Variants in TNRC6C observed in about 807,000 individuals in gnomAD.
The protein encoded by TNRC6C is trinucleotide repeat-containing gene 6C protein.
A neutral mutation model predicts 153.7 loss-of-function variants in TNRC6C; 20 were observed. The observed-to-expected ratio is 0.13, with a 90% CI of 0.09 to 0.19. TNRC6C has a LOEUF of 0.19. Among genes scored for constraint, TNRC6C ranks in the 10% least tolerant of loss-of-function variants. TNRC6C has a pLI of 1.00. For synonymous variants in TNRC6C, 811 were observed against 841.4 expected (o/e 0.96, Z 0.63); for missense variants, 1,987 against 2,172.0 (o/e 0.91, Z 1.69).
chr17:78,095,312 C>T (rs1291809236), intron 16 of TNRC6C, among the ~76,000 whole-genome samples: 3 of 152,212 alleles, frequency 2.0e-5, no homozygotes, highest in African/African-American at 7.2e-5. Flanking sequence ...ATGCAGCTGT[C>T]CTCCAGCTCC....
exon 3 of TNRC6C, chr17:78,051,014 C>T (rs985258534): frequency 6.2e-7 from 1 of 1,613,762 alleles, no homozygotes; most frequent in Non-Finnish European, 8.5e-7. Context: ...AAGGCCAATC[C>T]AGGTACAAAC....
intron 16 of TNRC6C, among the ~76,000 whole-genome samples, chr17:78,097,247 G>A (rs2144612935): frequency 6.6e-6 from 1 of 152,152 alleles, no homozygotes; most frequent in African/African-American, 2.4e-5. Context: ...TTTTTTTTAA[G>A]CAAAATATGA....
intron 5 of TNRC6C, among the ~76,000 whole-genome samples, chr17:78,068,643 A>C (rs1463577922): frequency 6.6e-6 from 1 of 152,080 alleles, no homozygotes; most frequent in African/African-American, 2.4e-5. Context: ...AAAATACAAA[A>C]ACTAGCTGGG....
exon 4 of TNRC6C, chr17:78,064,863 A>G (rs766844925): frequency 6.2e-7 from 1 of 1,612,904 alleles, no homozygotes. Context: ...GGGTGGGGAG[A>G]TCACCCTGCA....
exon 20 of TNRC6C, chr17:78,108,368 A>G (rs2144738248): frequency 6.5e-6 from 1 of 154,982 alleles, no homozygotes; most frequent in South Asian, 2.0e-4. Context: ...AAGACCAGAA[A>G]AAGAAGGAAG....
At chr17:78,031,891 A>ATT in intron 2 of TNRC6C, 49 bp downstream of exon 4, 1 of 1,230,314 alleles carries the variant, frequency 8.1e-7, no homozygotes, top group Non-Finnish European at 1.0e-6. Flanking sequence ...AAACTTTGCT[A>ATT]TTTTCAACTT....
intron 1 of TNRC6C, among the ~76,000 whole-genome samples, chr17:77,992,830 G>A (rs2071272400): frequency 6.6e-6 from 1 of 152,206 alleles, no homozygotes. Context: ...ATGAGAATCC[G>A]TAAAGGACAG....
chr17:78,041,539 C>T (rs2072295544), intron 2 of TNRC6C, among the ~76,000 whole-genome samples: 2 of 152,144 alleles, frequency 1.3e-5, no homozygotes, highest in East Asian at 3.9e-4. Context: ...TTTGTGTTTC[C>T]AATAAATCTT....
At chr17:78,086,343 A>AAAAAAAAAAAAC in intron 11 of TNRC6C, among the ~76,000 whole-genome samples, 160 bp from the exon 14 acceptor site, 1 of 117,114 alleles carries the variant, frequency 8.5e-6, no homozygotes, top group South Asian at 2.8e-4. Flanking sequence ...AAAAAAAAAA[A>AAAAAAAAAAAAC]AAAAAAAAAA....
chr17:77,991,554 T>C (rs905243042), intron 1 of TNRC6C, among the ~76,000 whole-genome samples: 4 of 152,212 alleles, frequency 2.6e-5, no homozygotes, highest in African/African-American at 7.2e-5. Context: ...AATAATTTGC[T>C]CTTCAATTCC....
chr17:78,011,901 C>G (rs1021813870), intron 1 of TNRC6C: 2 of 152,194 alleles, frequency 1.3e-5, no homozygotes, highest in African/African-American at 4.8e-5. Context: ...AACCTAATGA[C>G]TAATGTGGCA....
intron 2 of TNRC6C, among the ~76,000 whole-genome samples, chr17:78,039,229 A>G (rs1250471727): frequency 1.3e-5 from 2 of 152,092 alleles, no homozygotes; most frequent in Non-Finnish European, 2.9e-5. Flanking sequence ...TCCTGTGATG[A>G]TAAAGAGCAG....
At chr17:77,987,899 C>T (rs972073680) in intron 1 of TNRC6C, among the ~76,000 whole-genome samples, 2 of 152,160 alleles carry the variant, frequency 1.3e-5, no homozygotes, top group African/African-American at 2.4e-5. Context: ...AGGCTGGTCT[C>T]GAACTCCTGA....
intron 3 of TNRC6C, among the ~76,000 whole-genome samples, chr17:78,053,177 G>A (rs558728031): frequency 6.6e-6 from 1 of 152,106 alleles, no homozygotes; most frequent in South Asian, 2.1e-4. Flanking sequence ...CTGTTCTTAC[G>A]CTGGGCCTGT....
At chr17:78,005,344 C>T (rs1392308932) in intron 1 of TNRC6C, among the ~76,000 whole-genome samples, 1 of 152,086 alleles carries the variant, frequency 6.6e-6, no homozygotes, top group Non-Finnish European at 1.5e-5. Flanking sequence ...TTGATTTCCA[C>T]CAAACAGGAT....
chr17:78,045,891 T>C (rs2072399120), intron 2 of TNRC6C, among the ~76,000 whole-genome samples: 1 of 151,454 alleles, frequency 6.6e-6, no homozygotes, highest in African/African-American at 2.4e-5. Flanking sequence ...TAACATAATA[T>C]CATGCCATAT....
Position 78,049,163 on chromosome 17 carries a change from A to C in TNRC6C, c.101A>C (p.Gln34Pro), listed in dbSNP as rs2072467481. The change falls in exon 3 of 20, where the codon CAG becomes CCG. Residue 34 changes from glutamine (Q) to proline (P), a missense_variant. This residue lies in a region of TNRC6C where 1,052 missense variants were observed against 1,017.0 expected (regional missense o/e 1.03). Transcript: ENST00000301624. This position sits in a 1 kb window ranked among gnomAD's most constrained non-coding sequence, Gnocchi z 4.1. The stretch of plus-strand genomic sequence containing the variant: ...GCACTCGTCCAAAGCCCTTCTAATC[A>C]GAGTGCCCTTGGAGCAGGGGGAGCG... 1.9e-6 allele frequency: 3 copies of C among 1,612,560 alleles called. No individual in the cohort carries two copies. The highest frequency in any genetic ancestry group is 2.5e-6 in the Non-Finnish European group (3 of 1,179,286).
At chr17:78,106,666 G>C (rs2073702960) in exon 20 of TNRC6C, 1 of 151,794 alleles carries the variant, frequency 6.6e-6, no homozygotes. Flanking sequence ...ATAGATGTTT[G>C]AAGAGTGCTT....
At chr17:78,019,196 G>T (rs1265028579) in intron 1 of TNRC6C, among the ~76,000 whole-genome samples, 1 of 152,206 alleles carries the variant, frequency 6.6e-6, no homozygotes, top group African/African-American at 2.4e-5. Flanking sequence ...AGAGAATGGG[G>T]TTGCAGCCAG....
Sources: allele counts gnomAD v4.1 joint callset (sites outside exome capture counted in the v4.1 genomes callset), GRCh38; gene constraint gnomAD v4.1.1; regional missense constraint gnomAD v4.1.1; non-coding constraint Gnocchi (gnomAD v3.1); transcripts MANE v1.5; gene names NCBI Gene and HGNC (gene_info 2026-07-23, HGNC 2026-07-21).